Variants in AJAP1 observed in about 807,000 individuals in gnomAD.
The protein encoded by AJAP1 is adherens junctions associated protein 1.
A neutral mutation model predicts 35.0 loss-of-function variants in AJAP1; 5 were observed. The observed-to-expected ratio is 0.14, with a 90% CI of 0.07 to 0.30. The LOEUF (loss-of-function observed/expected upper bound fraction) is 0.30, where lower values mean the gene tolerates loss of function less well. AJAP1 is among the 10% of genes least tolerant of loss of function. The pLI, the probability that AJAP1 is intolerant of heterozygous loss-of-function variation, is 1.00. For missense variants in AJAP1, 586 were observed against 571.0 expected (o/e 1.03, Z -0.27); for synonymous variants, 284 against 249.3 (o/e 1.14, Z -1.31).
At chr1:4,712,859 C>T (rs959565280) in intron 2 of AJAP1, among the ~76,000 whole-genome samples, 160 bp downstream of exon 2, 5 of 152,156 alleles carry the variant, frequency 3.3e-5, no homozygotes, top group Admixed American at 2.0e-4. Flanking sequence ...TGTAGACTGG[C>T]AAATACAGGC....
At chr1:4,687,059 G>T (rs61765027) in intron 1 of AJAP1, among the ~76,000 whole-genome samples, 27,115 of 152,186 alleles carry the variant, frequency 0.18, 2,784 homozygotes, top group South Asian at 0.33. Context: ...CCACGGATGG[G>T]GACAGGAACC....
intron 1 of AJAP1, among the ~76,000 whole-genome samples, chr1:4,703,313 G>A (rs1421512553): frequency 2.0e-5 from 3 of 152,150 alleles, no homozygotes; most frequent in African/African-American, 7.2e-5. Context: ...CTGGGGGATG[G>A]CCATGTCCCC....
At chr1:4,708,459 T>C (rs909990669) in intron 1 of AJAP1, among the ~76,000 whole-genome samples, 3 of 152,148 alleles carry the variant, frequency 2.0e-5, no homozygotes, top group African/African-American at 7.2e-5. Flanking sequence ...GGATGCCCTA[T>C]GGGGTGAGGC....
At chr1:4,749,742 A>G (rs1468941723) in intron 2 of AJAP1, among the ~76,000 whole-genome samples, 2 of 152,184 alleles carry the variant, frequency 1.3e-5, no homozygotes, top group Non-Finnish European at 2.9e-5. Flanking sequence ...TGTTTCATGA[A>G]GGGTGTGTGG....
chr1:4,705,160 A>G (rs913182539), intron 1 of AJAP1, among the ~76,000 whole-genome samples: 3 of 152,072 alleles, frequency 2.0e-5, no homozygotes, highest in African/African-American at 7.2e-5. Flanking sequence ...TCTTTAGTTT[A>G]AGTAGATCCC....
At chr1:4,778,345 C>T (rs1160473951) in intron 5 of AJAP1, among the ~76,000 whole-genome samples, 2 of 152,230 alleles carry the variant, frequency 1.3e-5, no homozygotes, top group African/African-American at 4.8e-5. Flanking sequence ...CTCAGTCCTT[C>T]TCTGGGCTTA....
chr1:4,786,105 T>C lies in AJAP1; in HGVS notation c.*3620T>C, dbSNP rs924569696. 5 of 152,144 alleles carry C rather than the reference T, an allele frequency of 3.3e-5. No individual in the cohort carries two copies. Among genetic ancestry groups the C allele is most frequent in the South Asian group, 2.1e-4 (1 of 4,826 alleles). The allele number at this position is 152,144 out of a possible 1,614,324, so 9.4% of individuals were successfully genotyped here. ...CAGGGAGCTTCCCCACCGTTTCCCA[T>C]TGGGCTCAGATTCCAGCCATTACCG... On this transcript the variant is annotated 3_prime_UTR_variant, in exon 6 of 6. Coordinates refer to ENST00000378191, the MANE Select transcript of AJAP1 (RefSeq NM_018836.4).
intron 5 of AJAP1, chr1:4,777,353 C>T (rs1355648467): frequency 6.6e-6 from 1 of 152,216 alleles, no homozygotes; most frequent in Non-Finnish European, 1.5e-5. Context: ...CAGTCTAATC[C>T]GTGTGCACAT....
At chr1:4,746,529 G>A (rs1371222999) in intron 2 of AJAP1, among the ~76,000 whole-genome samples, 1 of 152,118 alleles carries the variant, frequency 6.6e-6, no homozygotes, top group Non-Finnish European at 1.5e-5. Flanking sequence ...ATAGAGCAAG[G>A]CTCCCAACAC....
Position 4,674,624 on chromosome 1 carries a change from G to A in AJAP1, c.29+19170G>A, listed in dbSNP as rs140605795. Among the ~76,000 whole-genome samples the A allele has an allele frequency of 4.4e-3, 669 of 152,300 alleles. 5 individuals carry two copies. Among genetic ancestry groups the A allele is most frequent in the African/African-American group, 0.015 (634 of 41,560 alleles). On this transcript the variant is annotated intron_variant, in intron 1 of 5. Transcript: ENST00000378191. Reference sequence around the variant, plus strand: ...GCTGGGTAGGCACCAGGAGTGGCTGGCCAGGCCTTCAGGAGTGGCTGGTGC... The same window carrying A: ...GCTGGGTAGGCACCAGGAGTGGCTGACCAGGCCTTCAGGAGTGGCTGGTGC...
chr1:4,744,106 G>A (rs1165181632), intron 2 of AJAP1, among the ~76,000 whole-genome samples: 2 of 151,442 alleles, frequency 1.3e-5, no homozygotes, highest in South Asian at 2.1e-4. Context: ...GATCAAACGG[G>A]CCTTTGAGGG....
chr1:4,726,715 G>T (rs1322938457), intron 2 of AJAP1, among the ~76,000 whole-genome samples: 1 of 152,166 alleles, frequency 6.6e-6, no homozygotes, highest in Non-Finnish European at 1.5e-5. Flanking sequence ...CCAGGAAGCT[G>T]CCTTCAGAAG....
Position 4,656,505 on chromosome 1 carries a change from G to C in AJAP1, c.29+1051G>C, listed in dbSNP as rs1306957150. Among the ~76,000 whole-genome samples the C allele has an allele frequency of 6.6e-6, 1 of 152,212 alleles. No homozygotes were observed. The highest frequency in any genetic ancestry group is 1.9e-4 in the East Asian group (1 of 5,176). On this transcript the variant is annotated intron_variant, in intron 1 of 5. Transcript: ENST00000378191. The surrounding 1 kb of genome is among the most constrained non-coding windows in gnomAD (Gnocchi z 5.7). ...TCCCGCGTTGGGGACGAAAAGGCCA[G>C]TAGTTGTTAGCCCGCTGCTTGAGCC...
At chr1:4,770,725 A>G (rs395467) in intron 3 of AJAP1, among the ~76,000 whole-genome samples, 133,134 of 152,042 alleles carry the variant, frequency 0.88, 58,491 homozygotes, top group Middle Eastern at 0.95. Context: ...AAACCGCATC[A>G]GAGCCTCAGA....
rs554342870 is a variant in AJAP1, at chr1:4,734,110, A to G, written c.829+21411A>G. Among the ~76,000 whole-genome samples, 28 of 152,322 alleles carry G rather than the reference A, an allele frequency of 1.8e-4. No individual in the cohort carries two copies. Among genetic ancestry groups the G allele is most frequent in the Middle Eastern group, 3.4e-3 (1 of 294 alleles). ...GAGCGATTTGCAAAAGGCCCCTTCAATCATGACAATTAAAATCCAAATACA... is the reference window on the plus strand; with the variant it reads ...GAGCGATTTGCAAAAGGCCCCTTCAGTCATGACAATTAAAATCCAAATACA... On this transcript the variant is annotated intron_variant, in intron 2 of 5. Coordinates refer to ENST00000378191, the MANE Select transcript of AJAP1 (RefSeq NM_018836.4). This position sits in a 1 kb window ranked among gnomAD's most constrained non-coding sequence, Gnocchi z 4.3.
intron 2 of AJAP1, among the ~76,000 whole-genome samples, chr1:4,753,621 G>A (rs1641366260): frequency 6.6e-6 from 1 of 152,172 alleles, no homozygotes; most frequent in South Asian, 2.1e-4. Flanking sequence ...CACCCGGGCT[G>A]GAGTGCAATG....
chr1:4,676,063 A>G (rs1422884149), intron 1 of AJAP1, among the ~76,000 whole-genome samples: 2 of 151,866 alleles, frequency 1.3e-5, no homozygotes, highest in East Asian at 3.9e-4. Flanking sequence ...GTAGCTTGCT[A>G]CTCGTTTTGT....
chr1:4,660,446 G>A (rs540665336), intron 1 of AJAP1, among the ~76,000 whole-genome samples: 26 of 151,990 alleles, frequency 1.7e-4, no homozygotes, highest in African/African-American at 3.4e-4. Flanking sequence ...TTGTATTGTC[G>A]TTTTGCAAAT....
chr1:4,750,694 A>G (rs1349182059), intron 2 of AJAP1, among the ~76,000 whole-genome samples: 1 of 151,486 alleles, frequency 6.6e-6, no homozygotes, highest in African/African-American at 2.4e-5. Context: ...ATCTCCAGTG[A>G]CACACCCTCC....
Sources: allele counts gnomAD v4.1 joint callset (sites outside exome capture counted in the v4.1 genomes callset), GRCh38; gene constraint gnomAD v4.1.1; non-coding constraint Gnocchi (gnomAD v3.1); transcripts MANE v1.5; gene names NCBI Gene and HGNC (gene_info 2026-07-23, HGNC 2026-07-21).